Variants in NAA15 observed in about 807,000 individuals in gnomAD.
NAA15 encodes N-alpha-acetyltransferase 15, NatA auxiliary subunit.
In NAA15, 34 loss-of-function variants were observed where a neutral mutation model predicts 114.0. The ratio of observed to expected loss-of-function variants is 0.30; its 90% CI spans 0.23 to 0.40. The LOEUF (loss-of-function observed/expected upper bound fraction) is 0.40. Among genes scored for constraint, NAA15 ranks in the 10% least tolerant of loss-of-function variants. NAA15 has a pLI of 1.00. For missense variants in NAA15, 658 were observed against 1,004.5 expected (o/e 0.66, Z 4.66); for synonymous variants, 340 against 338.0 (o/e 1.01, Z -0.06).
At chr4:139,357,940 CTG>C (rs1192250873) in intron 11 of NAA15, among the ~76,000 whole-genome samples, 2 of 152,064 alleles carry the variant, frequency 1.3e-5, no homozygotes, top group South Asian at 2.1e-4. Context: ...TGAGATGAAA[CTG>C]TGAAGATTCT....
rs759801535 is a variant in NAA15, at chr4:139,370,353, T to G, written c.1896T>G (p.Asp632Glu). ...RNQKKKKDDD[D>E]EEIGGPKEEL... is the part of the protein sequence containing the mutation. The stretch of plus-strand genomic sequence containing the variant: ...AGAAAAAGAAGAAGGATGATGATGA[T>G]GAGGAGATAGGAGGTCCAAAAGAAG... Residue 632 changes from aspartate to glutamate, a missense_variant, in exon 15 of 20, where the codon GAT (aspartate) becomes GAG (glutamate). Physicochemically the swap from Asp to Glu is conservative, Grantham distance 45. Around this residue, in one of 6 missense-constraint regions of NAA15, gnomAD observed 275 missense variants for 371.1 expected, o/e 0.74. Transcript: ENST00000296543. 4.3e-5 allele frequency: 68 copies of G among 1,593,110 alleles called. No homozygotes were observed. Among genetic ancestry groups the G allele is most frequent in the East Asian group, 6.7e-5 (3 of 44,694 alleles).
intron 6 of NAA15, among the ~76,000 whole-genome samples, chr4:139,347,655 T>A (rs1339600410): frequency 2.6e-5 from 4 of 152,014 alleles, no homozygotes; most frequent in South Asian, 2.1e-4. Flanking sequence ...AAAGAAAGAA[T>A]GAATGAATGA....
intron 10 of NAA15, among the ~76,000 whole-genome samples, chr4:139,356,289 A>C (rs1033163563): frequency 1.3e-5 from 2 of 152,184 alleles, no homozygotes; most frequent in Non-Finnish European, 2.9e-5. Flanking sequence ...AAGATATTCC[A>C]GTTTATTGCT....
chr4:139,323,992 T>C (rs1462967667), intron 1 of NAA15, among the ~76,000 whole-genome samples: 1 of 152,054 alleles, frequency 6.6e-6, no homozygotes, highest in East Asian at 1.9e-4. Context: ...CATGCAATCC[T>C]CCCACCTCAG....
chr4:139,357,147 C>A (rs944743090), intron 10 of NAA15, among the ~76,000 whole-genome samples: 1 of 152,082 alleles, frequency 6.6e-6, no homozygotes, highest in Non-Finnish European at 1.5e-5. Context: ...ATTTATCTCC[C>A]ATGTTTGTTT....
intron 6 of NAA15, among the ~76,000 whole-genome samples, chr4:139,348,296 A>G (rs145773604): frequency 3.3e-5 from 5 of 152,112 alleles, no homozygotes; most frequent in African/African-American, 9.6e-5. Context: ...TCTACAAAAC[A>G]TACAAAAATT....
At chr4:139,303,035 C>G (rs899188215) in intron 1 of NAA15, among the ~76,000 whole-genome samples, 2 of 152,208 alleles carry the variant, frequency 1.3e-5, no homozygotes, top group South Asian at 2.1e-4. Flanking sequence ...AGTAGAACAA[C>G]TCTGGGGATT....
intron 1 of NAA15, among the ~76,000 whole-genome samples, chr4:139,315,006 T>TTTAGG (rs1553992519): frequency 0.017 from 1,679 of 101,480 alleles, 90 homozygotes; most frequent in East Asian, 0.1. Flanking sequence ...TTCAGTTTAG[T>TTTAGG]TTAGGTTAGG....
In NAA15 at chr4:139,301,791, G is replaced by A. The variant is rs767637485; in HGVS notation, c.14G>A (p.Ser5Asn). Residue 5 changes from serine (S) to asparagine (N), a missense_variant, in exon 1 of 20, where the codon AGC becomes AAC. Ser to Asn is a conservative substitution (Grantham distance 46). Transcript: ENST00000296543. MPAV[S>N]LPPKENALFK... The stretch of plus-strand genomic sequence containing the variant: ...GCAGCCGGAACGATGCCGGCCGTGA[G>A]CCTCCCGCCCAAGGAGAATGCGCTC... The A allele has an allele frequency of 1.3e-6, 2 of 1,584,188 alleles. No homozygotes were observed. Among genetic ancestry groups the A allele is most frequent in the Non-Finnish European group, 1.7e-6 (2 of 1,164,718 alleles).
chr4:139,365,542 A>G (rs933012326), intron 14 of NAA15, among the ~76,000 whole-genome samples: 2 of 151,666 alleles, frequency 1.3e-5, no homozygotes, highest in South Asian at 2.1e-4. Context: ...ATGAAATACA[A>G]TGTATGGGGT....
intron 4 of NAA15, among the ~76,000 whole-genome samples, chr4:139,342,481 T>G (rs1007529365): frequency 1.4e-4 from 21 of 147,898 alleles, no homozygotes; most frequent in Admixed American, 2.7e-4. Flanking sequence ...TAATGTGTGT[T>G]TTTTTTTTTT....
At chr4:139,381,392 A>C (rs140986497) in intron 17 of NAA15, among the ~76,000 whole-genome samples, 10 of 152,006 alleles carry the variant, frequency 6.6e-5, no homozygotes, top group Non-Finnish European at 1.5e-4. Context: ...AATTAGCACT[A>C]TTTGGCTGCC....
chr4:139,307,242 G>C (rs972843545), intron 1 of NAA15, among the ~76,000 whole-genome samples: 1 of 152,172 alleles, frequency 6.6e-6, no homozygotes. Flanking sequence ...GCTCTAATAT[G>C]ATAGCCATTG....
chr4:139,384,974 A>T lies in NAA15; in HGVS notation c.2298A>T (p.Leu766Phe), dbSNP rs1456034059. 1 of 1,530,096 alleles carries T rather than the reference A, an allele frequency of 6.5e-7. No homozygotes were observed. Among genetic ancestry groups the T allele is most frequent in the South Asian group, 1.3e-5 (1 of 74,668 alleles). 94.8% of individuals were successfully genotyped at this position (1,530,096 alleles called of 1,614,324 possible). A position where few individuals can be genotyped will look rare whatever the true frequency, so the allele number is the denominator to read the frequency against. Reference protein sequence around the residue: ...KRNSDSLPHRLSAAKMVYYLD... With the variant: ...KRNSDSLPHRFSAAKMVYYLD... ...ATTCTGATTCATTGCCACACAGATTATCAGGTAATCACTTTATTTTATCCT... is the reference window on the plus strand; with the variant it reads ...ATTCTGATTCATTGCCACACAGATTTTCAGGTAATCACTTTATTTTATCCT... Residue 766 changes from leucine to phenylalanine, a missense_variant, in exon 18 of 20, where the codon TTA (leucine) becomes TTT (phenylalanine). Leu to Phe is a conservative substitution (Grantham distance 22). Transcript: ENST00000296543.
chr4:139,325,282 A>C (rs1746759903), intron 1 of NAA15, among the ~76,000 whole-genome samples: 1 of 152,224 alleles, frequency 6.6e-6, no homozygotes, highest in African/African-American at 2.4e-5. Context: ...ATCTTTTAAA[A>C]GATAAAAATT....
Position 139,332,580 on chromosome 4 carries a change from T to G in NAA15, c.55-1594T>G, listed in dbSNP as rs1271954924. Among the ~76,000 whole-genome samples the G allele has an allele frequency of 2.3e-3, 271 of 118,544 alleles. 2 individuals are homozygous for G. The highest frequency in any genetic ancestry group is 8.5e-3 in the African/African-American group (240 of 28,358). 77.8% of individuals were successfully genotyped at this position (118,544 alleles called of 152,430 possible). On this transcript the variant is annotated intron_variant, in intron 1 of 19. Transcript: ENST00000296543. ...GGTATTTTGGTTTGTATGTTTTTTT[T>G]TTTTTTTTTTTTTTTTTTTTGAGAC...
At chr4:139,370,503 TA>T (rs1261693248) in intron 15 of NAA15, 99 bp downstream of exon 15, 11 of 1,172,910 alleles carry the variant, frequency 9.4e-6, no homozygotes, top group Non-Finnish European at 1.0e-5. Flanking sequence ...CCTTATGTGA[TA>T]TAGGTTTTAG....
At chr4:139,318,513 A>G (rs549675084) in intron 1 of NAA15, 2 of 152,346 alleles carry the variant, frequency 1.3e-5, no homozygotes, top group East Asian at 3.9e-4. Context: ...TAAGTAAAAC[A>G]TAGAAACATG....
Position 139,344,176 on chromosome 4 carries a change from C to A in NAA15, c.538-10C>A. 1.3e-6 allele frequency: 2 copies of A among 1,597,188 alleles called. No homozygotes were observed. Among genetic ancestry groups the A allele is most frequent in the Non-Finnish European group, 1.7e-6 (2 of 1,170,948 alleles). ...TTCTTACTGTCAGTATTCCTTATAT[C>A]CATATACAGACATCCCCTGACAAGG... On this transcript the variant is annotated splice_polypyrimidine_tract_variant and intron_variant, in intron 5 of 19. Transcript: ENST00000296543.
Sources: allele counts gnomAD v4.1 joint callset (sites outside exome capture counted in the v4.1 genomes callset), GRCh38; gene constraint gnomAD v4.1.1; regional missense constraint gnomAD v4.1.1; transcripts MANE v1.5; gene names NCBI Gene and HGNC (gene_info 2026-07-23, HGNC 2026-07-21).